The following WDFY4 variants were observed in gnomAD, a reference collection of about 807,000 sequenced individuals.
The protein encoded by WDFY4 is WDFY family member 4, also known as WD repeat- and FYVE domain-containing protein 4.
Under a neutral mutation model 351.9 loss-of-function variants are expected in WDFY4, and 169 were observed. The ratio of observed to expected loss-of-function variants is 0.48; its 90% CI spans 0.42 to 0.55. WDFY4 has a LOEUF of 0.55. Ranked by LOEUF, WDFY4 falls within the 20% of genes least tolerant of loss-of-function variation. WDFY4 has a pLI of 0.00. For synonymous variants in WDFY4, 1,622 were observed against 1,574.6 expected, an observed-to-expected ratio of 1.03 and a Z score of -0.71; for missense variants, 3,803 against 3,935.6, an observed-to-expected ratio of 0.97 and a Z score of 0.90.
intron 47 of WDFY4, among the ~76,000 whole-genome samples, chr10:48,902,187 A>T (rs7069142): frequency 2.6e-5 from 4 of 152,106 alleles, no homozygotes; most frequent in African/African-American, 9.7e-5. Context: ...AGGCCCTCCC[A>T]TGGGGGTGTG....
intron 11 of WDFY4, 70 bp from the exon 12 acceptor site, chr10:48,742,898 G>A: frequency 7.8e-6 from 11 of 1,402,604 alleles, no homozygotes; most frequent in Non-Finnish European, 1.0e-5. Flanking sequence ...CGCTCTGGCA[G>A]GAATGTGTGT....
intron 55 of WDFY4, 153 bp downstream of exon 55, chr10:48,966,826 G>A (rs1390278150): frequency 6.4e-6 from 7 of 1,093,726 alleles, no homozygotes; most frequent in Non-Finnish European, 8.9e-6. Flanking sequence ...AGATTCTAGG[G>A]GGGTGTCATC....
chr10:48,966,989 A>G (rs1842114376), intron 55 of WDFY4: 1 of 343,346 alleles, frequency 2.9e-6, no homozygotes, highest in Non-Finnish European at 5.4e-6. Context: ...TCTCTTTTAT[A>G]CATGCACACA....
chr10:48,897,310 C>G (rs1016802495), intron 44 of WDFY4, 144 bp from the exon 45 acceptor site: 11 of 1,166,284 alleles, frequency 9.4e-6, no homozygotes, highest in Non-Finnish European at 1.2e-5. Context: ...GGCTAGCACA[C>G]TGGTTGGCAG....
At chr10:48,807,823 A>G in intron 27 of WDFY4, 36 bp from the exon 28 acceptor site, 2 of 1,542,666 alleles carry the variant, frequency 1.3e-6, no homozygotes, top group East Asian at 2.4e-5. Context: ...GTCTCTTTAC[A>G]TCCATTTTCT....
At chr10:48,940,650 C>T (rs1349352977) in intron 47 of WDFY4, among the ~76,000 whole-genome samples, 2 of 151,880 alleles carry the variant, frequency 1.3e-5, no homozygotes, top group Non-Finnish European at 2.9e-5. Context: ...ATGGAGAGAA[C>T]GGATATGATT....
At chr10:48,790,662 C>T (rs10857643) in intron 22 of WDFY4, 65 bp from the exon 23 acceptor site, 155,003 of 1,508,090 alleles carry the variant, frequency 0.1, 10,089 homozygotes, top group African/African-American at 0.3. Context: ...CCTGTGCTGT[C>T]GGGGAATTTC....
intron 2 of WDFY4, among the ~76,000 whole-genome samples, chr10:48,719,476 C>T (rs1355137828): frequency 6.6e-6 from 1 of 152,088 alleles, no homozygotes; most frequent in Non-Finnish European, 1.5e-5. Context: ...TGTCTGGAAG[C>T]TGAGTTAGTA....
intron 39 of WDFY4, among the ~76,000 whole-genome samples, chr10:48,864,840 G>A (rs1479819845): frequency 2.0e-5 from 3 of 152,034 alleles, no homozygotes; most frequent in Non-Finnish European, 2.9e-5. Context: ...AAGAGGAATC[G>A]CTTTCTTAAT....
At chr10:48,919,434 A>C (rs113438213) in intron 47 of WDFY4, among the ~76,000 whole-genome samples, 5 of 152,352 alleles carry the variant, frequency 3.3e-5, no homozygotes, top group African/African-American at 1.2e-4. Flanking sequence ...CAGTAGTCTT[A>C]TTGTTAAATT....
At chr10:48,866,305 A>G (rs374370907) in intron 39 of WDFY4, among the ~76,000 whole-genome samples, 2 of 152,158 alleles carry the variant, frequency 1.3e-5, no homozygotes, top group South Asian at 4.1e-4. Context: ...TATTCATCTC[A>G]AAAAGTTCCC....
intron 20 of WDFY4, among the ~76,000 whole-genome samples, chr10:48,787,880 T>TC: frequency 2.1e-4 from 19 of 91,458 alleles, no homozygotes; most frequent in African/African-American, 1.5e-3. Flanking sequence ...TCTTCTTTCT[T>TC]TCTTCTTCTT....
At position 48,727,709 on chromosome 10, in the gene WDFY4, A is replaced by T. The variant is rs563473675; in HGVS notation, c.971+50A>T. The T allele has an allele frequency of 6.8e-5, 104 of 1,539,606 alleles. No homozygotes were observed. In the African/African-American group the frequency reaches 1.4e-3, roughly 20 times the overall value. On this transcript the variant is annotated intron_variant, in intron 7 of 61. Coordinates refer to ENST00000325239, the MANE Select transcript of WDFY4 (RefSeq NM_001394531.1). ...GAGAGCACAGGACCACCAAAGCCTT[A>T]GTCCTCAGAATCATTGGGGTGCTTT...
At chr10:48,895,206 C>T (rs1456892640) in intron 44 of WDFY4, among the ~76,000 whole-genome samples, 1 of 152,226 alleles carries the variant, frequency 6.6e-6, no homozygotes, top group African/African-American at 2.4e-5. Flanking sequence ...ACTGCACATG[C>T]TGGACTGCCA....
intron 43 of WDFY4, among the ~76,000 whole-genome samples, chr10:48,879,896 CCACCTCT>C (rs2070178669): frequency 6.6e-6 from 1 of 152,218 alleles, no homozygotes; most frequent in African/African-American, 2.4e-5. Flanking sequence ...TCCCCCAACA[CCACCTCT>C]CTGACCAACT....
intron 29 of WDFY4, 93 bp downstream of exon 29, chr10:48,810,828 C>A: frequency 7.7e-7 from 1 of 1,298,040 alleles, no homozygotes; most frequent in African/African-American, 1.5e-5. Flanking sequence ...TTGAGACCAT[C>A]ACAGCTCTGT....
intron 24 of WDFY4, chr10:48,801,465 A>C: frequency 2.2e-6 from 1 of 454,664 alleles, no homozygotes; most frequent in South Asian, 1.6e-5. Flanking sequence ...GCCTTCATGA[A>C]TCAATATCCT....
intron 1 of WDFY4, among the ~76,000 whole-genome samples, chr10:48,699,228 A>G (rs954258426): frequency 6.6e-6 from 1 of 152,210 alleles, no homozygotes; most frequent in African/African-American, 2.4e-5. Flanking sequence ...GGGCCTGGCC[A>G]TAGCCACTCT....
chr10:48,870,224 C>T (rs1246632220), intron 40 of WDFY4, among the ~76,000 whole-genome samples: 1 of 152,112 alleles, frequency 6.6e-6, no homozygotes, highest in Admixed American at 6.5e-5. Flanking sequence ...TGTTGCTACC[C>T]AAGGGTTGCT....
Sources: gnomAD v4.1 joint callset for allele counts (sites outside exome capture counted in the v4.1 genomes callset) on GRCh38, gnomAD v4.1.1 for gene constraint, MANE v1.5 for transcripts, NCBI Gene and HGNC (gene_info 2026-07-23, HGNC 2026-07-21) for gene names.